MACROD2: variants seen among roughly 807,000 people sequenced by gnomAD.
MACROD2 encodes mono-ADP ribosylhydrolase 2.
MACROD2 carries 36 observed loss-of-function variants against 70.4 expected under a neutral mutation model. The ratio of observed to expected loss-of-function variants is 0.51; its 90% CI spans 0.39 to 0.68. The LOEUF (loss-of-function observed/expected upper bound fraction) is 0.68, where lower values mean the gene tolerates loss of function less well. Ranked by LOEUF, MACROD2 falls within the 30% of genes least tolerant of loss-of-function variation. MACROD2 has a pLI of 0.00. For missense variants in MACROD2, 496 were observed against 538.4 expected (o/e 0.92, Z 0.78); for synonymous variants, 172 against 178.8 (o/e 0.96, Z 0.30).
intron 12 of MACROD2, among the ~76,000 whole-genome samples, chr20:15,952,269 G>A (rs1268756750): frequency 1.3e-5 from 2 of 152,084 alleles, no homozygotes; most frequent in African/African-American, 4.8e-5. Context: ...AATACATAAT[G>A]AGACAAATAT....
At chr20:14,289,608 C>A (rs1209296725) in intron 3 of MACROD2, among the ~76,000 whole-genome samples, 1 of 152,196 alleles carries the variant, frequency 6.6e-6, no homozygotes, top group Non-Finnish European at 1.5e-5. Context: ...GTGGCATGAT[C>A]GCAGCTTACT....
At chr20:14,832,813 A>G (rs2072986788) in intron 5 of MACROD2, among the ~76,000 whole-genome samples, 1 of 152,120 alleles carries the variant, frequency 6.6e-6, no homozygotes, top group Admixed American at 6.5e-5. Flanking sequence ...TAGCCTGGGA[A>G]GTAGAAGTGA....
chr20:14,290,846 G>T (rs185262442), intron 3 of MACROD2, among the ~76,000 whole-genome samples: 1 of 152,162 alleles, frequency 6.6e-6, no homozygotes, highest in Non-Finnish European at 1.5e-5. Context: ...AGATAATTTC[G>T]TCTGAAGACT....
intron 15 of MACROD2, among the ~76,000 whole-genome samples, chr20:16,021,452 C>T (rs1024949606): frequency 6.6e-6 from 1 of 152,180 alleles, no homozygotes; most frequent in Admixed American, 6.5e-5. Flanking sequence ...ACAGAGGTGG[C>T]ATCGCCTGTC....
intron 5 of MACROD2, among the ~76,000 whole-genome samples, chr20:15,225,587 C>A (rs1344660716): frequency 6.6e-6 from 1 of 152,076 alleles, no homozygotes; most frequent in African/African-American, 2.4e-5. Context: ...TTCCCTACAT[C>A]GGTAGAGGAA....
intron 4 of MACROD2, among the ~76,000 whole-genome samples, chr20:14,593,843 C>A (rs1446677129): frequency 6.6e-6 from 1 of 151,994 alleles, no homozygotes; most frequent in East Asian, 1.9e-4. Flanking sequence ...TGAAAATTGT[C>A]TTTTACTTAA....
intron 6 of MACROD2, among the ~76,000 whole-genome samples, chr20:15,267,178 TG>T (rs1379966347): frequency 6.6e-6 from 1 of 152,148 alleles, no homozygotes; most frequent in Non-Finnish European, 1.5e-5. Context: ...CCCTCTCCTC[TG>T]CATCCCCACT....
intron 6 of MACROD2, among the ~76,000 whole-genome samples, chr20:15,410,983 T>TG (rs1355881049): frequency 6.6e-6 from 1 of 152,176 alleles, no homozygotes; most frequent in Non-Finnish European, 1.5e-5. Context: ...CAACATATCT[T>TG]GAACACCAAT....
intron 5 of MACROD2, among the ~76,000 whole-genome samples, chr20:15,132,442 A>G (rs1418380534): frequency 1.3e-5 from 2 of 152,062 alleles, no homozygotes; most frequent in Non-Finnish European, 2.9e-5. Flanking sequence ...GAAAGAATGA[A>G]TTATGGCTAT....
chr20:14,862,279 TTA>T (rs1405651915), intron 5 of MACROD2, among the ~76,000 whole-genome samples: 6 of 13,134 alleles, frequency 4.6e-4, no homozygotes, highest in African/African-American at 4.9e-4. Context: ...CTATGTATAT[TTA>T]TATATATTTA....
chr20:16,048,596 A>T (rs890699098), intron 17 of MACROD2, among the ~76,000 whole-genome samples: 13 of 152,202 alleles, frequency 8.5e-5, no homozygotes, highest in African/African-American at 2.7e-4. Flanking sequence ...GGGACCGCAG[A>T]TATAAAATAC....
intron 7 of MACROD2, among the ~76,000 whole-genome samples, chr20:15,454,876 T>C (rs934559913): frequency 1.3e-5 from 2 of 152,154 alleles, no homozygotes; most frequent in Admixed American, 6.5e-5. Context: ...GAGGAATTGA[T>C]TAATTAGCAG....
intron 5 of MACROD2, among the ~76,000 whole-genome samples, chr20:15,084,229 G>T (rs1448099230): frequency 6.6e-6 from 1 of 151,704 alleles, no homozygotes; most frequent in Non-Finnish European, 1.5e-5. Flanking sequence ...ACCATTCCCG[G>T]CTAAATTTTT....
At chr20:16,010,736 G>A (rs984260690) in intron 15 of MACROD2, among the ~76,000 whole-genome samples, 1 of 152,076 alleles carries the variant, frequency 6.6e-6, no homozygotes, top group African/African-American at 2.4e-5. Flanking sequence ...ATCCCTTCTG[G>A]GGAAAGATTT....
intron 2 of MACROD2, among the ~76,000 whole-genome samples, chr20:14,019,347 C>T (rs1271905449): frequency 6.6e-6 from 1 of 152,182 alleles, no homozygotes; most frequent in Non-Finnish European, 1.5e-5. Context: ...TCTTGGCTTA[C>T]TGCAACCTCT....
At chr20:15,737,759 T>C (rs1339700056) in intron 8 of MACROD2, among the ~76,000 whole-genome samples, 1 of 152,194 alleles carries the variant, frequency 6.6e-6, no homozygotes, top group Non-Finnish European at 1.5e-5. Flanking sequence ...TGAGAAGCTC[T>C]GCTTTAAGGA....
chr20:14,344,489 A>T (rs960685208), intron 3 of MACROD2, among the ~76,000 whole-genome samples: 3 of 152,214 alleles, frequency 2.0e-5, no homozygotes, highest in African/African-American at 7.2e-5. Flanking sequence ...TCTGTAAATG[A>T]TTAACCTCAA....
At chr20:14,041,961 T>C (rs2053397094) in intron 2 of MACROD2, among the ~76,000 whole-genome samples, 1 of 151,700 alleles carries the variant, frequency 6.6e-6, no homozygotes, top group Non-Finnish European at 1.5e-5. Flanking sequence ...TACAGAACAA[T>C]CCGGATTTAA....
intron 8 of MACROD2, among the ~76,000 whole-genome samples, chr20:15,561,207 T>C (rs1462137792): frequency 6.6e-6 from 1 of 152,232 alleles, no homozygotes; most frequent in Non-Finnish European, 1.5e-5. Flanking sequence ...TTCTTCAAAG[T>C]GTTGGTAAAT....
Sources: allele counts gnomAD v4.1 joint callset (sites outside exome capture counted in the v4.1 genomes callset), GRCh38; gene constraint gnomAD v4.1.1; transcripts MANE v1.5; gene names NCBI Gene and HGNC (gene_info 2026-07-23, HGNC 2026-07-21).